The following PCDH15 variants were observed in gnomAD, a reference collection of about 807,000 sequenced individuals.
PCDH15 encodes protocadherin-15.
PCDH15 carries 129 observed loss-of-function variants against 178.5 expected under a neutral mutation model. That is an observed-to-expected ratio of 0.72 (90% CI 0.63 to 0.84). The LOEUF (loss-of-function observed/expected upper bound fraction) is 0.84, where lower values mean the gene tolerates loss of function less well. Ranked by LOEUF, PCDH15 falls within the 40% of genes least tolerant of loss-of-function variation. The pLI is 0.00. For missense variants in PCDH15, 2,230 were observed against 2,099.9 expected, an observed-to-expected ratio of 1.06 and a Z score of -1.21; for synonymous variants, 800 against 732.0, an observed-to-expected ratio of 1.09 and a Z score of -1.50.
At chr10:54,357,801 G>A (rs1440232023) in intron 5 of PCDH15, among the ~76,000 whole-genome samples, 1 of 152,026 alleles carries the variant, frequency 6.6e-6, no homozygotes, top group East Asian at 1.9e-4. Flanking sequence ...GCATGGTACT[G>A]GTACCAAAAC....
chr10:55,306,921 G>T (rs1023144271), intron 1 of PCDH15, among the ~76,000 whole-genome samples: 11 of 152,026 alleles, frequency 7.2e-5, no homozygotes, highest in African/African-American at 2.7e-4. Context: ...TGGGAAAAGT[G>T]TAGATCTTTG....
At chr10:55,077,954 G>A (rs1419917272) in intron 2 of PCDH15, among the ~76,000 whole-genome samples, 1 of 152,136 alleles carries the variant, frequency 6.6e-6, no homozygotes, top group African/African-American at 2.4e-5. Flanking sequence ...GGCAACTCTT[G>A]TCATTTTACT....
intron 2 of PCDH15, among the ~76,000 whole-genome samples, chr10:54,632,396 T>C (rs138947877): frequency 4.1e-4 from 62 of 152,152 alleles, no homozygotes; most frequent in African/African-American, 1.1e-3. Flanking sequence ...CAATATACCA[T>C]GCACATGTGC....
intron 3 of PCDH15, among the ~76,000 whole-genome samples, chr10:54,417,219 G>T (rs117417522): frequency 0.013 from 1,995 of 152,186 alleles, 25 homozygotes; most frequent in Non-Finnish European, 0.021. Context: ...ATTCGCCAAT[G>T]CTGCTATTAA....
At chr10:54,302,971 T>A (rs2060232798) in intron 8 of PCDH15, among the ~76,000 whole-genome samples, 1 of 152,140 alleles carries the variant, frequency 6.6e-6, no homozygotes, top group Non-Finnish European at 1.5e-5. Context: ...AAAAAGTGAA[T>A]GTTATACACC....
intron 2 of PCDH15, among the ~76,000 whole-genome samples, chr10:55,598,617 G>T (rs1231537295): frequency 6.9e-6 from 1 of 143,952 alleles, no homozygotes; most frequent in Non-Finnish European, 1.5e-5. Context: ...GGGATGGTAA[G>T]AAATGGGCTA....
At chr10:54,195,182 A>G (rs568562448) in intron 11 of PCDH15, among the ~76,000 whole-genome samples, 1 of 152,336 alleles carries the variant, frequency 6.6e-6, no homozygotes, top group African/African-American at 2.4e-5. Flanking sequence ...GAAAAACAAA[A>G]GACAATGATT....
chr10:54,503,317 TTTATA>T (rs1450783200), intron 3 of PCDH15, among the ~76,000 whole-genome samples: 2 of 146,588 alleles, frequency 1.4e-5, no homozygotes, highest in African/African-American at 5.0e-5. Flanking sequence ...ATATACATGT[TTTATA>T]TTATATATAT....
Position 55,399,433 on chromosome 10 carries a change from A to G in PCDH15, c.-156+228192T>C, listed in dbSNP as rs16907343. Among the ~76,000 whole-genome samples, 1,207 of 152,328 alleles carry G rather than the reference A, an allele frequency of 7.9e-3. 15 individuals carry two copies. The highest frequency in any genetic ancestry group is 0.026 in the African/African-American group (1,085 of 41,580). On this transcript the variant is annotated intron_variant, in intron 2 of 5. Coordinates refer to the PCDH15 transcript ENST00000613346. ...AAATGTGTGCGAATATTTTCCATCC[A>G]GCAAATTGAAACATTTTATTTTAAA...
At chr10:54,550,488 C>CTGTGTG (rs71010384) in intron 2 of PCDH15, among the ~76,000 whole-genome samples, 37,175 of 150,714 alleles carry the variant, frequency 0.25, 4,747 homozygotes, top group Admixed American at 0.33. Context: ...GTGTATGTGT[C>CTGTGTG]TGTGTGTGTG....
intron 14 of PCDH15, among the ~76,000 whole-genome samples, chr10:54,143,622 T>A (rs974825421): frequency 5.0e-4 from 76 of 152,302 alleles, no homozygotes; most frequent in African/African-American, 1.8e-3. Flanking sequence ...TGGACTAAAC[T>A]AATGAAGGAC....
rs75252942 is a variant in PCDH15, at chr10:54,630,438, G to A, written c.91+33734C>T. Among the ~76,000 whole-genome samples the A allele has an allele frequency of 5.6e-3, 856 of 152,262 alleles. 8 individuals are homozygous for A. The highest frequency in any genetic ancestry group is 0.016 in the African/African-American group (661 of 41,570). On this transcript the variant is annotated intron_variant, in intron 2 of 37. Coordinates refer to ENST00000644397, the MANE Select transcript of PCDH15 (RefSeq NM_001384140.1). ...AAGGACTTTCTATTCAATAAATGGT[G>A]CTAGTTTAACTGGCTAGCCATATGC...
chr10:54,950,840 T>C (rs1838321284), intron 2 of PCDH15, among the ~76,000 whole-genome samples: 1 of 151,906 alleles, frequency 6.6e-6, no homozygotes, highest in Non-Finnish European at 1.5e-5. Context: ...AAACTATATC[T>C]GTTTATATTT....
At chr10:53,866,596 G>A (rs1008712681) in intron 27 of PCDH15, 46 bp downstream of exon 27, 1 of 1,392,256 alleles carries the variant, frequency 7.2e-7, no homozygotes, top group Non-Finnish European at 1.0e-6. Context: ...CTGACCTATG[G>A]CTAGTATCGT....
intron 3 of PCDH15, among the ~76,000 whole-genome samples, chr10:54,518,366 TGATAAAGGG>T (rs1326960727): frequency 6.7e-6 from 1 of 149,192 alleles, no homozygotes; most frequent in African/African-American, 2.5e-5. Flanking sequence ...GCAATAAAAA[TGATAAAGGG>T]GATATCACCA....
chr10:54,196,055 T>C (rs1024536536), intron 10 of PCDH15, among the ~76,000 whole-genome samples, 166 bp from the exon 11 acceptor site: 1 of 152,160 alleles, frequency 6.6e-6, no homozygotes, highest in African/African-American at 2.4e-5. Context: ...GAAATGAAAA[T>C]CCAGTGAGGC....
chr10:54,256,746 T>C (rs2056926047), intron 8 of PCDH15, among the ~76,000 whole-genome samples: 1 of 152,164 alleles, frequency 6.6e-6, no homozygotes, highest in Non-Finnish European at 1.5e-5. Flanking sequence ...TTCCAGGTTT[T>C]TCATTGGTTA....
At chr10:55,081,382 C>T (rs2132025925) in intron 2 of PCDH15, among the ~76,000 whole-genome samples, 1 of 152,294 alleles carries the variant, frequency 6.6e-6, no homozygotes, top group Middle Eastern at 3.4e-3. Context: ...TTTATGAAGG[C>T]TCCACTCTCA....
intron 14 of PCDH15, among the ~76,000 whole-genome samples, chr10:54,143,375 T>C (rs757686091): frequency 1.8e-4 from 27 of 152,194 alleles, no homozygotes; most frequent in Non-Finnish European, 2.4e-4. Flanking sequence ...CTTAAGACTT[T>C]TGTCATCTAC....
Sources: gnomAD v4.1 joint callset for allele counts (sites outside exome capture counted in the v4.1 genomes callset) on GRCh38, gnomAD v4.1.1 for gene constraint, MANE v1.5 for transcripts, NCBI Gene and HGNC (gene_info 2026-07-23, HGNC 2026-07-21) for gene names.